ENTPD8: variants seen among roughly 807,000 people sequenced by gnomAD.
The protein encoded by ENTPD8 is ectonucleoside triphosphate diphosphohydrolase 8.
Under a neutral mutation model 47.0 loss-of-function variants are expected in ENTPD8, and 35 were observed. The ratio of observed to expected loss-of-function variants is 0.75; its 90% CI spans 0.57 to 0.99. ENTPD8 has a LOEUF of 0.99. Ranked by LOEUF, ENTPD8 falls within the 50% of genes least tolerant of loss-of-function variation. The pLI is 0.00. For synonymous variants in ENTPD8, 308 were observed against 290.5 expected, an observed-to-expected ratio of 1.06 and a Z score of -0.61; for missense variants, 668 against 649.9, an observed-to-expected ratio of 1.03 and a Z score of -0.30.
At chr9:137,435,596 T>C in intron 8 of ENTPD8, 123 bp downstream of exon 8, 1 of 1,101,614 alleles carries the variant, frequency 9.1e-7, no homozygotes, top group Non-Finnish European at 1.3e-6. Flanking sequence ...AGCTGTCCTC[T>C]GCCCTTGCCT....
At position 137,435,178 on chromosome 9, in the gene ENTPD8, C is replaced by T. The variant is rs370001647; in HGVS notation, c.1296+26G>A. 29 of 1,604,456 alleles carry T rather than the reference C, an allele frequency of 1.8e-5. No homozygotes were observed. In the Middle Eastern group the frequency reaches 1.2e-3, roughly 64 times the overall value. ...CCACGACCTGCCCACGCCCACGCCCCGCCCACGCCCAGGGGAGGCAGTCAC... is the reference window on the plus strand; with the variant it reads ...CCACGACCTGCCCACGCCCACGCCCTGCCCACGCCCAGGGGAGGCAGTCAC... On this transcript the variant is annotated intron_variant, in intron 9 of 9. Coordinates refer to ENST00000371506, the MANE Select transcript of ENTPD8 (RefSeq NM_001033113.2).
Position 137,434,516 on chromosome 9 carries a change from G to C in ENTPD8, c.*398C>G, listed in dbSNP as rs565057130. ...CAGCAGGGAGAGCGGGGGTCCAGGT[G>C]GGGCAGCTCCCTCCCTTCCACCCCT... On this transcript the variant is annotated 3_prime_UTR_variant, in exon 10 of 10. Transcript: ENST00000371506. 1 of 892,786 alleles carries C rather than the reference G, an allele frequency of 1.1e-6. No homozygotes were observed. Among genetic ancestry groups the C allele is most frequent in the East Asian group, 2.6e-5 (1 of 38,272 alleles). The allele number at this position is 892,786 out of a possible 1,614,324, so 55.3% of individuals were successfully genotyped here.
In ENTPD8 at chr9:137,435,331, G is replaced by A. The variant is rs981317208; in HGVS notation, c.1169C>T (p.Ala390Val). The A allele has an allele frequency of 5.0e-6, 8 of 1,609,932 alleles. No individual in the cohort carries two copies. Among genetic ancestry groups the A allele is most frequent in the Admixed American group, 1.7e-5 (1 of 59,754 alleles). The change falls in exon 9 of 10, where the codon GCC becomes GTC. Residue 390 changes from alanine to valine, a missense_variant. Transcript: ENST00000371506. ...CCAGCGGTCCTGCCCAGGGTAGCTGGCCTCCACCTGGGGCCCAGGAGACCA... is the reference window on the plus strand; with the variant it reads ...CCAGCGGTCCTGCCCAGGGTAGCTGACCTCCACCTGGGGCCCAGGAGACCA... ...FCQRPWKLVE[A>V]SYPGQDRWLR...
Position 137,436,861 on chromosome 9 carries a change from T to G in ENTPD8, c.555+8A>C, listed in dbSNP as rs372119964. 6.2e-6 allele frequency: 10 copies of G among 1,611,672 alleles called. No individual in the cohort carries two copies. In the African/African-American group the frequency reaches 1.3e-4, roughly 22 times the overall value. On this transcript the variant is annotated splice_region_variant and intron_variant, in intron 5 of 9. Transcript: ENST00000371506. Reference sequence around the variant, plus strand: ...GACCAGCCCCCGCCCTCAGGCAGCCTGTGGCACCTTGACCAGCGTCCCCAA... The same window carrying G: ...GACCAGCCCCCGCCCTCAGGCAGCCGGTGGCACCTTGACCAGCGTCCCCAA...
chr9:137,439,553 G>A (rs558594158), intron 1 of ENTPD8, among the ~76,000 whole-genome samples: 108 of 152,216 alleles, frequency 7.1e-4, no homozygotes, highest in African/African-American at 2.4e-3. Context: ...GGGTCCTCAC[G>A]CAATTCTGTA....
Position 137,434,761 on chromosome 9 carries a change from A to T in ENTPD8, c.*153T>A. 1 of 1,001,516 alleles carries T rather than the reference A, an allele frequency of 1.0e-6. No individual in the cohort carries two copies. Among genetic ancestry groups the T allele is most frequent in the Non-Finnish European group, 1.4e-6 (1 of 706,646 alleles). 62.0% of individuals were successfully genotyped at this position (1,001,516 alleles called of 1,614,324 possible). ...GGGAGGTCATGCAGCCTCTGTGGCC[A>T]GCACCACCCTGACGGTGCCCTGGAG... On this transcript the variant is annotated 3_prime_UTR_variant, in exon 10 of 10. Transcript: ENST00000371506.
chr9:137,438,226 T>G lies in ENTPD8; in HGVS notation c.60A>C (p.Ser20=), dbSNP rs755313497. The G allele has an allele frequency of 6.2e-7, 1 of 1,603,818 alleles. No individual in the cohort carries two copies. Among genetic ancestry groups the G allele is most frequent in the Non-Finnish European group, 8.5e-7 (1 of 1,175,812 alleles). ...GGAGGAGAATGAGTGCCGTGAGGCC[T>G]GAGACCCCCGAGGCCCCCAGCAGGG... ...FLALLGASGV[S]GLTALILLLV... The change falls in exon 2 of 10, where the codon TCA becomes TCC. Residue 20 remains serine, a synonymous_variant. Transcript: ENST00000371506. This position sits in a 1 kb window ranked among gnomAD's most constrained non-coding sequence, Gnocchi z 5.7.
chr9:137,439,392 G>A (rs1036129254), intron 1 of ENTPD8, among the ~76,000 whole-genome samples: 1 of 152,122 alleles, frequency 6.6e-6, no homozygotes, highest in Non-Finnish European at 1.5e-5. Flanking sequence ...GCCAGAGGCT[G>A]CCTGCCAAGG....
In ENTPD8 at chr9:137,436,132, C is replaced by T. The variant is rs1839343811; in HGVS notation, c.931G>A (p.Gly311Ser). ...LPQNLTVEGT[G>S]NPGACVSAIR... ...GCTGAGACGCAGGCTCCAGGGTTGC[C>T]TGTCCCTTCAACTGTGAGGTTCTGG... Residue 311 changes from glycine to serine, a missense_variant, in exon 7 of 10, where the codon GGC (glycine) becomes AGC (serine). By Grantham distance (56) the Gly-to-Ser change is moderately conservative. Coordinates refer to ENST00000371506, the MANE Select transcript of ENTPD8 (RefSeq NM_001033113.2). 6.2e-7 allele frequency: 1 copy of T among 1,612,894 alleles called. No homozygotes were observed. Among genetic ancestry groups the T allele is most frequent in the African/African-American group, 1.3e-5 (1 of 74,948 alleles).
At chr9:137,435,573 T>A (rs1588475517) in intron 8 of ENTPD8, 146 bp downstream of exon 8, 1 of 1,008,358 alleles carries the variant, frequency 9.9e-7, no homozygotes. Flanking sequence ...CTACCTGGAG[T>A]GGCACGGCCT....
rs200288034 is a variant in ENTPD8 at position 137,436,962 on chromosome 9, G to A, written c.462C>T (p.Pro154=). 2.1e-5 allele frequency: 34 copies of A among 1,612,882 alleles called. No individual in the cohort carries two copies. The highest frequency in any genetic ancestry group is 9.3e-5 in the African/African-American group (7 of 74,924). The part of the protein sequence containing the change: ...AAVTQVLGRS[P]VDFWGAELLA... ...GGAGCTCGGCACCCCAAAAGTCCAC[G>A]GGAGACCGGCCCAGGACCTGGGTGA... Residue 154 remains proline, a synonymous_variant, in exon 5 of 10, where the codon CCC becomes CCT. Transcript: ENST00000371506.
intron 1 of ENTPD8, among the ~76,000 whole-genome samples, chr9:137,439,332 C>T (rs1367954407): frequency 6.6e-6 from 1 of 152,100 alleles, no homozygotes; most frequent in African/African-American, 2.4e-5. Flanking sequence ...GACCCTGTGC[C>T]CCATACAGCC....
In ENTPD8 at chr9:137,438,138, TC is replaced by T; in HGVS notation, c.126+21del. ...CAACACCTGTGGACCCGGCCCGGCC[TC>T]CCCTGCCGGCGGGGACGCACCTTGA... On this transcript the variant is annotated intron_variant, in intron 2 of 9. Coordinates refer to ENST00000371506, the MANE Select transcript of ENTPD8 (RefSeq NM_001033113.2). This position sits in a 1 kb window ranked among gnomAD's most constrained non-coding sequence, Gnocchi z 5.7. 6.2e-7 allele frequency: 1 copy of T among 1,609,432 alleles called. No homozygotes were observed. Among genetic ancestry groups the T allele is most frequent in the Non-Finnish European group, 8.5e-7 (1 of 1,177,480 alleles).
In ENTPD8 at chr9:137,434,396, C is replaced by G; in HGVS notation, c.*518G>C. The G allele has an allele frequency of 1.3e-6, 2 of 1,536,240 alleles. No individual in the cohort carries two copies. Among genetic ancestry groups the G allele is most frequent in the Non-Finnish European group, 1.8e-6 (2 of 1,141,368 alleles). On this transcript the variant is annotated 3_prime_UTR_variant, in exon 10 of 10. Transcript: ENST00000371506. ...TCCATGATGCTTTTAATAAAAACAA[C>G]CCCCACTGCAGTCTCACCCTCCAAG...
chr9:137,436,875 C>G lies in ENTPD8; in HGVS notation c.549G>C (p.Leu183=). ...WITVNYGLGT[L]VKYSFTGEWI... is the part of the protein sequence containing the mutation. Reference sequence around the variant, plus strand: ...CTCAGGCAGCCTGTGGCACCTTGACCAGCGTCCCCAAGCCGTAGTTGACAG... The same window carrying G: ...CTCAGGCAGCCTGTGGCACCTTGACGAGCGTCCCCAAGCCGTAGTTGACAG... Residue 183 remains leucine (L), a synonymous_variant, in exon 5 of 10, where the codon CTG becomes CTC. Coordinates refer to ENST00000371506, the MANE Select transcript of ENTPD8 (RefSeq NM_001033113.2). 6.2e-7 allele frequency: 1 copy of G among 1,612,424 alleles called. No individual in the cohort carries two copies. Among genetic ancestry groups the G allele is most frequent in the Admixed American group, 1.7e-5 (1 of 59,998 alleles).
chr9:137,436,983 G>A lies in ENTPD8; in HGVS notation c.441C>T (p.Thr147=). The stretch of plus-strand genomic sequence containing the variant: ...CCACGGGAGACCGGCCCAGGACCTG[G>A]GTGACTGCTGCAAAGATGTCCCTGG... ...SQARDIFAAV[T]QVLGRSPVDF... Residue 147 remains threonine, a synonymous_variant, in exon 5 of 10, where the codon ACC becomes ACT. Coordinates refer to ENST00000371506, the MANE Select transcript of ENTPD8 (RefSeq NM_001033113.2). The A allele has an allele frequency of 6.2e-7, 1 of 1,612,990 alleles. No homozygotes were observed. The highest frequency in any genetic ancestry group is 8.5e-7 in the Non-Finnish European group (1 of 1,179,948).
In ENTPD8 at chr9:137,437,183, G is replaced by T. The variant is rs1564247585; in HGVS notation, c.371C>A (p.Ala124Asp). ...QHRKTPTFLG[A>D]TAGMRLLSRK... ...CCTGAGCAACCTCATGCCAGCCGTGGCCCCCAGGAACGTGGGTGTTTTCCG... is the reference window on the plus strand; with the variant it reads ...CCTGAGCAACCTCATGCCAGCCGTGTCCCCCAGGAACGTGGGTGTTTTCCG... Residue 124 changes from alanine (A) to aspartate (D), a missense_variant, in exon 4 of 10, where the codon GCC becomes GAC. Physicochemically the swap from Ala to Asp is moderately radical, Grantham distance 126. Coordinates refer to ENST00000371506, the MANE Select transcript of ENTPD8 (RefSeq NM_001033113.2). 1 of 1,612,960 alleles carries T rather than the reference G, an allele frequency of 6.2e-7. No homozygotes were observed. Among genetic ancestry groups the T allele is most frequent in the Non-Finnish European group, 8.5e-7 (1 of 1,179,990 alleles).
At chr9:137,435,944 G>T in intron 7 of ENTPD8, 69 bp downstream of exon 7, 1 of 1,603,104 alleles carries the variant, frequency 6.2e-7, no homozygotes, top group African/African-American at 1.3e-5. Flanking sequence ...GGGCCTGCTG[G>T]AGTCAGACAG....
intron 3 of ENTPD8, among the ~76,000 whole-genome samples, chr9:137,437,679 G>A (rs749839554): frequency 1.3e-5 from 2 of 152,188 alleles, no homozygotes; most frequent in African/African-American, 2.4e-5. Context: ...CCAGCACCAC[G>A]TGGTGCCAGG....
Sources: gnomAD v4.1 joint callset for allele counts (sites outside exome capture counted in the v4.1 genomes callset) on GRCh38, gnomAD v4.1.1 for gene constraint, Gnocchi (gnomAD v3.1) non-coding constraint, MANE v1.5 for transcripts, NCBI Gene and HGNC (gene_info 2026-07-23, HGNC 2026-07-21) for gene names.